PIGG: variants seen among roughly 807,000 people sequenced by gnomAD.
The protein encoded by PIGG is GPI ethanolamine phosphate transferase 2, catalytic subunit.
Under a neutral mutation model 83.2 loss-of-function variants are expected in PIGG, and 70 were observed. That is an observed-to-expected ratio of 0.84 (90% confidence interval 0.69 to 1.03). The LOEUF (loss-of-function observed/expected upper bound fraction) is 1.03, where lower values mean the gene tolerates loss of function less well. Ranked by LOEUF, PIGG falls within the 50% of genes least tolerant of loss-of-function variation. The probability of loss-of-function intolerance (pLI) is 0.00; values close to 1 mark genes in which losing one functional copy is unlikely to be tolerated. For missense variants in PIGG, 1,257 were observed against 1,233.6 expected (o/e 1.02, Z -0.28); for synonymous variants, 532 against 519.5 (o/e 1.02, Z -0.33).
rs1719510014 is a variant in PIGG at position 505,918 on chromosome 4, T to G, written c.561T>G (p.Asp187Glu). ...GAACAACCTCATTTTTCGTGTCAGATTACACAGAGGTCAGTTTTTAAAATA... is the reference window on the plus strand; with the variant it reads ...GAACAACCTCATTTTTCGTGTCAGAGTACACAGAGGTCAGTTTTTAAAATA... ...YDGTTSFFVS[D>E]YTEVDNNVTR... Residue 187 changes from aspartate (D) to glutamate (E), a missense_variant, in exon 3 of 13, where the codon GAT becomes GAG. Physicochemically the swap from Asp to Glu is conservative, Grantham distance 45. Coordinates refer to ENST00000453061, the MANE Select transcript of PIGG (RefSeq NM_001127178.3). 6.2e-7 allele frequency: 1 copy of G among 1,609,258 alleles called. No homozygotes were observed.
chr4:512,262 C>A (rs1461170157), intron 5 of PIGG, among the ~76,000 whole-genome samples: 1 of 145,674 alleles, frequency 6.9e-6, no homozygotes, highest in African/African-American at 2.6e-5. Context: ...CTCTGTCACC[C>A]AGGCTGGAGT....
At position 499,333 on chromosome 4, in the gene PIGG, A is replaced by G. The variant is rs1553873912; in HGVS notation, c.-3A>G. The stretch of plus-strand genomic sequence containing the variant: ...GTTCCGCATCCAGCCTAGCGTGTCC[A>G]CGATGCGGCTGGGCTCCGGGACTTT... On this transcript the variant is annotated 5_prime_UTR_variant, in exon 1 of 13. Coordinates refer to ENST00000453061, the MANE Select transcript of PIGG (RefSeq NM_001127178.3). 3.1e-6 allele frequency: 5 copies of G among 1,606,932 alleles called. No homozygotes were observed. In the Admixed American group the frequency reaches 5.0e-5, roughly 16 times the overall value.
intron 12 of PIGG, among the ~76,000 whole-genome samples, chr4:534,682 C>T (rs1729963579): frequency 6.6e-6 from 1 of 152,238 alleles, no homozygotes; most frequent in Non-Finnish European, 1.5e-5. Flanking sequence ...CACCCGTCTC[C>T]TGGCAGCTTC....
intron 10 of PIGG, chr4:527,948 T>C: frequency 1.0e-6 from 1 of 985,336 alleles, no homozygotes. Flanking sequence ...GGCAGGAGCC[T>C]GGGATGGGAC....
chr4:523,950 C>G (rs1016958114), intron 9 of PIGG, 37 bp downstream of exon 9: 2 of 1,346,670 alleles, frequency 1.5e-6, no homozygotes, highest in Non-Finnish European at 2.0e-6. Flanking sequence ...GCCAGACTTT[C>G]TACGGCCGAT....
chr4:539,357 C>G lies in PIGG; in HGVS notation c.2940C>G (p.Leu980=). The G allele has an allele frequency of 6.2e-7, 1 of 1,601,846 alleles. No individual in the cohort carries two copies. Among genetic ancestry groups the G allele is most frequent in the Non-Finnish European group, 8.6e-7 (1 of 1,169,430 alleles). The part of the protein sequence containing the change: ...VFFTAMDQTR[L]TQS Reference sequence around the variant, plus strand: ...TCACGGCAATGGATCAAACCAGACTCACACAGTCTTAGACTAAGCTGAACA... The same window carrying G: ...TCACGGCAATGGATCAAACCAGACTGACACAGTCTTAGACTAAGCTGAACA... The change falls in exon 13 of 13, where the codon CTC becomes CTG. Residue 980 remains leucine (L), a synonymous_variant. Coordinates refer to ENST00000453061, the MANE Select transcript of PIGG (RefSeq NM_001127178.3).
intron 11 of PIGG, chr4:531,349 C>T: frequency 6.9e-6 from 1 of 144,734 alleles, no homozygotes; most frequent in East Asian, 1.9e-4. Flanking sequence ...CTCCCGGCAA[C>T]CTCAGGAGAG....
At chr4:517,030 CAG>C (rs1284299321) in intron 6 of PIGG, among the ~76,000 whole-genome samples, 1 of 151,926 alleles carries the variant, frequency 6.6e-6, no homozygotes, top group Non-Finnish European at 1.5e-5. Context: ...ATGGTCAGAG[CAG>C]GGGCCAGAGT....
Position 539,470 on chromosome 4 carries a change from C to G in PIGG, c.*101C>G, listed in dbSNP as rs1208157792. ...AAAGTTGATGGATAACTTTCTTTGACTGCTCTACCTGAATTTAGACTAAGC... is the reference window on the plus strand; with the variant it reads ...AAAGTTGATGGATAACTTTCTTTGAGTGCTCTACCTGAATTTAGACTAAGC... On this transcript the variant is annotated 3_prime_UTR_variant, in exon 13 of 13. Transcript: ENST00000453061. 2 of 678,128 alleles carry G rather than the reference C, an allele frequency of 2.9e-6. No individual in the cohort carries two copies. Among genetic ancestry groups the G allele is most frequent in the Non-Finnish European group, 5.1e-6 (2 of 392,212 alleles). 42.0% of individuals were successfully genotyped at this position (678,128 alleles called of 1,614,324 possible).
Position 529,334 on chromosome 4 carries a change from G to A in PIGG, c.2262-1102G>A, listed in dbSNP as rs1326721472. Among the ~76,000 whole-genome samples, 3 of 151,860 alleles carry A rather than the reference G, an allele frequency of 2.0e-5. No individual in the cohort carries two copies. In the East Asian group the frequency reaches 5.8e-4, roughly 29 times the overall value. On this transcript the variant is annotated intron_variant, in intron 10 of 12. Transcript: ENST00000453061. The stretch of plus-strand genomic sequence containing the variant: ...TAACTTAGCACACACCTTGGCCTGT[G>A]GGGGTTGCCAGGTACCTGACCCCAG...
intron 9 of PIGG, chr4:525,490 T>A (rs1416267185): frequency 3.1e-6 from 1 of 321,734 alleles, no homozygotes; most frequent in African/African-American, 2.2e-5. Context: ...GTCCTAGTAA[T>A]GAGGGCACTT....
intron 5 of PIGG, among the ~76,000 whole-genome samples, chr4:511,841 T>C (rs1215351827): frequency 2.0e-5 from 3 of 152,214 alleles, no homozygotes; most frequent in African/African-American, 7.2e-5. Context: ...TTTTGTCTTC[T>C]TTTTGGAAGG....
chr4:511,146 G>GGCT (rs1721776870), intron 5 of PIGG, among the ~76,000 whole-genome samples: 1 of 151,850 alleles, frequency 6.6e-6, no homozygotes, highest in South Asian at 2.1e-4. Context: ...ATACAAAATT[G>GGCT]GCTGGGTGTG....
Position 530,676 on chromosome 4 carries a change from C to G in PIGG, c.2502C>G (p.Pro834=), listed in dbSNP as rs759114782. ...TAATGACTAAATTCATCTGGAAGCC[C>G]CTGAGACACGATGCAGCTGAGATTA... ...QTLMTKFIWK[P]LRHDAAEITV... is the part of the protein sequence containing the mutation. The change falls in exon 11 of 13, where the codon CCC becomes CCG. Residue 834 remains proline (P), a synonymous_variant. Transcript: ENST00000453061. 1.2e-6 allele frequency: 2 copies of G among 1,613,606 alleles called. No homozygotes were observed.
rs782644148 is a variant in PIGG at position 499,421 on chromosome 4, C to A, written c.86C>A (p.Pro29Gln). The A allele has an allele frequency of 6.2e-7, 1 of 1,608,066 alleles. No homozygotes were observed. The highest frequency in any genetic ancestry group is 8.5e-7 in the Non-Finnish European group (1 of 1,179,738). ...GIAVFLRGFF[P>Q]APVRSSARAE... is the part of the protein sequence containing the mutation. ...GCGGTCTTCCTTCGGGGATTCTTCC[C>A]GGCTCCCGTTCGTTCCTCTGCCAGA... The change falls in exon 1 of 13, where the codon CCG (proline) becomes CAG (glutamine). Residue 29 changes from proline (P) to glutamine (Q), a missense_variant. Physicochemically the swap from Pro to Gln is moderately conservative, Grantham distance 76. Transcript: ENST00000453061.
chr4:500,034 A>G (rs1338784164), intron 1 of PIGG: 2 of 266,974 alleles, frequency 7.5e-6, no homozygotes, highest in Non-Finnish European at 1.4e-5. Flanking sequence ...CCAGCCGCTG[A>G]CCATGTAAAC....
chr4:532,435 C>T (rs1312044299), intron 11 of PIGG: 1 of 152,424 alleles, frequency 6.6e-6, no homozygotes, highest in Non-Finnish European at 1.5e-5. Context: ...CCTACTGCTT[C>T]TGCCTGTTTG....
intron 4 of PIGG, 49 bp downstream of exon 4, chr4:507,642 G>T: frequency 6.7e-7 from 1 of 1,487,534 alleles, no homozygotes; most frequent in Non-Finnish European, 9.2e-7. Context: ...TCACGTGGAT[G>T]TTCCCTAGAA....
At chr4:522,219 AAG>A (rs1726175520) in intron 8 of PIGG, 2 of 593,878 alleles carry the variant, frequency 3.4e-6, no homozygotes, top group Non-Finnish European at 3.0e-6. Flanking sequence ...GGTGATTGTA[AAG>A]AGCTGGCGGT....
Sources: gnomAD v4.1 joint callset for allele counts (sites outside exome capture counted in the v4.1 genomes callset) on GRCh38, gnomAD v4.1.1 for gene constraint, MANE v1.5 for transcripts, NCBI Gene and HGNC (gene_info 2026-07-23, HGNC 2026-07-21) for gene names.